MAGI2: variants seen among roughly 807,000 people sequenced by gnomAD.
MAGI2 encodes the protein membrane-associated guanylate kinase, WW and PDZ domain-containing protein 2.
Under a neutral mutation model 133.3 loss-of-function variants are expected in MAGI2, and 35 were observed. The observed-to-expected ratio is 0.26, with a 90% CI of 0.20 to 0.35. The LOEUF is 0.35. Among genes scored for constraint, MAGI2 ranks in the 10% least tolerant of loss-of-function variants. The pLI, the probability that MAGI2 is intolerant of heterozygous loss-of-function variation, is 1.00. For missense variants in MAGI2, 1,636 were observed against 1,863.4 expected, an observed-to-expected ratio of 0.88 and a Z score of 2.25; for synonymous variants, 729 against 710.6, an observed-to-expected ratio of 1.03 and a Z score of -0.41.
At chr7:79,144,039 T>G (rs1416002175) in intron 1 of MAGI2, among the ~76,000 whole-genome samples, 1 of 152,128 alleles carries the variant, frequency 6.6e-6, no homozygotes, top group Non-Finnish European at 1.5e-5. Context: ...TTACCAAACA[T>G]ACAGTATCCT....
intron 6 of MAGI2, among the ~76,000 whole-genome samples, chr7:78,440,508 G>T (rs1331128536): frequency 6.6e-6 from 1 of 152,124 alleles, no homozygotes; most frequent in African/African-American, 2.4e-5. Context: ...TGGCCAGTTT[G>T]CTATATGGAA....
chr7:78,470,949 C>T (rs1274713396), intron 6 of MAGI2, among the ~76,000 whole-genome samples: 2 of 152,038 alleles, frequency 1.3e-5, no homozygotes, highest in African/African-American at 4.8e-5. Context: ...TGAGGTAAGC[C>T]ATTAGTGGCA....
At chr7:79,140,854 T>C (rs951944988) in intron 1 of MAGI2, among the ~76,000 whole-genome samples, 1 of 152,234 alleles carries the variant, frequency 6.6e-6, no homozygotes, top group Non-Finnish European at 1.5e-5. Flanking sequence ...TTTTAAGATA[T>C]TTTAAATGTA....
intron 2 of MAGI2, among the ~76,000 whole-genome samples, chr7:78,867,691 AAT>A (rs1361945296): frequency 6.6e-6 from 1 of 151,096 alleles, no homozygotes; most frequent in Non-Finnish European, 1.5e-5. Context: ...AAAGTATAAT[AAT>A]AATAAAGAAA....
chr7:78,735,372 T>C (rs17151403), intron 2 of MAGI2, among the ~76,000 whole-genome samples: 24 of 152,030 alleles, frequency 1.6e-4, no homozygotes, highest in Admixed American at 1.6e-3. Context: ...TATTCCAGGA[T>C]ACAACAACAG....
At chr7:78,224,097 C>T (rs551406288) in intron 10 of MAGI2, among the ~76,000 whole-genome samples, 143 of 152,154 alleles carry the variant, frequency 9.4e-4, no homozygotes, top group Admixed American at 1.5e-3. Context: ...CTACAGAGTA[C>T]GTAGATTTCA....
intron 6 of MAGI2, among the ~76,000 whole-genome samples, chr7:78,480,614 A>C (rs1792263087): frequency 6.6e-6 from 1 of 151,956 alleles, no homozygotes; most frequent in African/African-American, 2.4e-5. Flanking sequence ...TACCATGTCA[A>C]CAGCTTAAAT....
At chr7:78,235,487 T>A (rs1477022690) in intron 10 of MAGI2, among the ~76,000 whole-genome samples, 1 of 152,180 alleles carries the variant, frequency 6.6e-6, no homozygotes, top group Admixed American at 6.6e-5. Context: ...TCATGGGGAC[T>A]GTTACCCCCA....
chr7:78,790,550 C>G (rs889318544), intron 2 of MAGI2, among the ~76,000 whole-genome samples: 1 of 152,068 alleles, frequency 6.6e-6, no homozygotes, highest in Non-Finnish European at 1.5e-5. Context: ...TCTCATGCCT[C>G]AGCCTCTCAA....
At chr7:78,052,763 G>A (rs1201917288) in intron 21 of MAGI2, among the ~76,000 whole-genome samples, 2 of 152,160 alleles carry the variant, frequency 1.3e-5, no homozygotes, top group Non-Finnish European at 2.9e-5. Context: ...AAGAATGCAG[G>A]TACACTGACC....
At chr7:79,111,001 C>T (rs1818882444) in intron 1 of MAGI2, among the ~76,000 whole-genome samples, 1 of 152,120 alleles carries the variant, frequency 6.6e-6, no homozygotes, top group South Asian at 2.1e-4. Flanking sequence ...CTCCCTGATG[C>T]CTCCCCAGAA....
intron 2 of MAGI2, among the ~76,000 whole-genome samples, chr7:79,000,755 G>A (rs2116452403): frequency 6.6e-6 from 1 of 152,276 alleles, no homozygotes; most frequent in South Asian, 2.1e-4. Context: ...TTTTACCCTT[G>A]ATAATGCTTC....
At chr7:78,932,806 T>TG (rs1308281238) in intron 2 of MAGI2, among the ~76,000 whole-genome samples, 2 of 152,152 alleles carry the variant, frequency 1.3e-5, no homozygotes, top group African/African-American at 4.8e-5. Context: ...TTATTGCTGA[T>TG]GAAAATTTGA....
At chr7:78,070,412 GTGTGTATATATATA>G (rs1232257781) in intron 21 of MAGI2, among the ~76,000 whole-genome samples, 312 of 147,550 alleles carry the variant, frequency 2.1e-3, no homozygotes, top group African/African-American at 6.7e-3. Flanking sequence ...CCCTATGTGT[GTGTGTATATATATA>G]TGTGTATATA....
Position 79,401,425 on chromosome 7 carries a change from G to A in MAGI2, c.301+51595C>T, listed in dbSNP as rs187286453. ...AGGAGATAGAATGTCCAAACTTGAG[G>A]AGTGGCAAAGAATGTGGGCTTGTTT... is the stretch of plus-strand genomic sequence containing the variant. On this transcript the variant is annotated intron_variant, in intron 1 of 21. Transcript: ENST00000354212. Among the ~76,000 whole-genome samples, 254 of 152,278 alleles carry A rather than the reference G, an allele frequency of 1.7e-3. 2 individuals carry two copies. The highest frequency in any genetic ancestry group is 1.7e-3 in the South Asian group (8 of 4,820).
At chr7:78,165,527 G>A (rs577441823) in intron 15 of MAGI2, among the ~76,000 whole-genome samples, 58 of 152,206 alleles carry the variant, frequency 3.8e-4, no homozygotes, top group African/African-American at 1.3e-3. Context: ...ATTTGTATAA[G>A]CTGAGGCAAG....
rs577377028 is a variant in MAGI2 at position 78,471,684 on chromosome 7, G to C, written c.1045+18077C>G. Among the ~76,000 whole-genome samples the C allele has an allele frequency of 7.9e-5, 12 of 152,178 alleles. No homozygotes were observed. The South Asian group carries it at 2.5e-3, about 32-fold the overall frequency. ...CTCATGCCTGTAATCTCAGCCATTT[G>C]GGAGAACGAGGTGGGTGAATCAATG... On this transcript the variant is annotated intron_variant, in intron 6 of 21. Transcript: ENST00000354212.
At chr7:78,758,238 T>G (rs1189896222) in intron 2 of MAGI2, among the ~76,000 whole-genome samples, 1 of 152,182 alleles carries the variant, frequency 6.6e-6, no homozygotes, top group Non-Finnish European at 1.5e-5. Flanking sequence ...TCTTGTATCC[T>G]ATTGGTCTCC....
chr7:78,465,899 C>T (rs1790573658), intron 6 of MAGI2, among the ~76,000 whole-genome samples: 1 of 152,130 alleles, frequency 6.6e-6, no homozygotes, highest in Admixed American at 6.6e-5. Context: ...TTAGTCTATG[C>T]ACTTCGGCCG....
Sources: allele counts gnomAD v4.1 joint callset (sites outside exome capture counted in the v4.1 genomes callset), GRCh38; gene constraint gnomAD v4.1.1; transcripts MANE v1.5; gene names NCBI Gene and HGNC (gene_info 2026-07-23, HGNC 2026-07-21).